Variants in ZNF676 observed in about 807,000 individuals in gnomAD.
ZNF676 encodes the protein zinc finger protein 676.
Under a neutral mutation model 6.0 loss-of-function variants are expected in ZNF676, and 4 were observed. The ratio of observed to expected loss-of-function variants is 0.67; its 90% CI spans 0.33 to 1.53. The LOEUF (loss-of-function observed/expected upper bound fraction) is 1.53, where lower values mean the gene tolerates loss of function less well. ZNF676 is among the 40% of genes most tolerant of loss of function. The probability of loss-of-function intolerance (pLI) is 0.06; values close to 1 mark genes in which losing one functional copy is unlikely to be tolerated. For synonymous variants in ZNF676, 198 were observed against 223.1 expected, an observed-to-expected ratio of 0.89 and a Z score of 1.00; for missense variants, 644 against 679.7, an observed-to-expected ratio of 0.95 and a Z score of 0.58.
chr19:22,232,396 G>A, the ZNF676 span, among the ~76,000 whole-genome samples: 1 of 152,222 alleles, frequency 6.6e-6, no homozygotes, highest in South Asian at 2.1e-4. Flanking sequence ...TTGATCTCTT[G>A]ACCTTGTGAT....
At chr19:22,207,045 C>T (rs1194969288) in intron 1 of ZNF676, among the ~76,000 whole-genome samples, 2 of 152,080 alleles carry the variant, frequency 1.3e-5, no homozygotes, top group African/African-American at 2.4e-5. Context: ...ACAAGGATGC[C>T]TTCTCTCAAC....
rs74174059 is a variant in ZNF676 at position 22,190,630 on chromosome 19, CATATATATATATATATAT to C, written c.130+2368_130+2385del. Among the ~76,000 whole-genome samples, 23 of 66,792 alleles carry C rather than the reference CATATATATATATATATAT, an allele frequency of 3.4e-4. 1 individual carries two copies. Among genetic ancestry groups the C allele is most frequent in the South Asian group, 8.8e-4 (1 of 1,130 alleles). The allele number at this position is 66,792 out of a possible 152,430, so 43.8% of individuals were successfully genotyped here. A position where few individuals can be genotyped will look rare whatever the true frequency, so the allele number is the denominator to read the frequency against. On this transcript the variant is annotated intron_variant, in intron 2 of 2. Coordinates refer to ENST00000397121, the MANE Select transcript of ZNF676 (RefSeq NM_001001411.3). ...ATTAGACTAATAAAATAGAATGCAA[CATATATATATATATATAT>C]ATATATATATATATATACATACACA...
intron 2 of ZNF676, among the ~76,000 whole-genome samples, chr19:22,192,599 G>A (rs1036122249): frequency 2.0e-5 from 3 of 152,066 alleles, no homozygotes; most frequent in Admixed American, 6.6e-5. Flanking sequence ...GCAGAAAAAT[G>A]AACCAAAAAA....
At chr19:22,244,725 T>C in the ZNF676 span, 1 of 152,204 alleles carries the variant, frequency 6.6e-6, no homozygotes, top group South Asian at 2.1e-4. Flanking sequence ...ATGTGCAGGA[T>C]GCAGGCAGAA....
intron 2 of ZNF676, among the ~76,000 whole-genome samples, chr19:22,188,145 A>G (rs1599711947): frequency 1.3e-5 from 2 of 152,292 alleles, no homozygotes; most frequent in East Asian, 3.9e-4. Flanking sequence ...CCAGCAGCAC[A>G]TCAAAAAGCT....
the ZNF676 span, among the ~76,000 whole-genome samples, chr19:22,234,472 T>A: frequency 2.6e-5 from 4 of 152,156 alleles, no homozygotes; most frequent in African/African-American, 9.7e-5. Context: ...CACTTTGTGG[T>A]TAGATGGGTC....
intron 1 of ZNF676, among the ~76,000 whole-genome samples, chr19:22,208,115 G>C (rs1006562198): frequency 1.3e-5 from 2 of 151,510 alleles, no homozygotes; most frequent in African/African-American, 2.4e-5. Flanking sequence ...ATAAACTAAT[G>C]ATCTTTTTTC....
At chr19:22,194,390 T>G (rs1481227004) in intron 1 of ZNF676, among the ~76,000 whole-genome samples, 1 of 152,206 alleles carries the variant, frequency 6.6e-6, no homozygotes, top group Non-Finnish European at 1.5e-5. Context: ...CTTGGGGAAT[T>G]ACCTTAAAGC....
chr19:22,227,807 G>A, the ZNF676 span, among the ~76,000 whole-genome samples: 2 of 152,224 alleles, frequency 1.3e-5, no homozygotes, highest in South Asian at 4.1e-4. Flanking sequence ...GACTAAACCA[G>A]GAAGAAGTCA....
chr19:22,217,659 G>A (rs985591602), upstream of ZNF676, among the ~76,000 whole-genome samples: 1 of 151,104 alleles, frequency 6.6e-6, no homozygotes, highest in Non-Finnish European at 1.5e-5. Flanking sequence ...ACCGTGCCTG[G>A]CCTATTTTTT....
the ZNF676 span, among the ~76,000 whole-genome samples, chr19:22,247,161 G>A: frequency 6.6e-6 from 1 of 152,162 alleles, no homozygotes; most frequent in African/African-American, 2.4e-5. Flanking sequence ...GATTGGGTTA[G>A]AGGCCCAATA....
upstream of ZNF676, among the ~76,000 whole-genome samples, chr19:22,201,378 A>C (rs138778030): frequency 2.8e-3 from 430 of 152,352 alleles, 2 homozygotes; most frequent in African/African-American, 0.01. Context: ...ATATCTCACA[A>C]TGCAGAAAAT....
intron 2 of ZNF676, among the ~76,000 whole-genome samples, 176 bp from the exon 3 acceptor site, chr19:22,181,762 CAT>C (rs1389787795): frequency 4.6e-5 from 7 of 152,234 alleles, no homozygotes; most frequent in African/African-American, 1.2e-4. Flanking sequence ...GACCAAAATA[CAT>C]ATGTGAATAA....
chr19:22,235,257 T>C, the ZNF676 span, among the ~76,000 whole-genome samples: 1 of 152,136 alleles, frequency 6.6e-6, no homozygotes, highest in Non-Finnish European at 1.5e-5. Flanking sequence ...CACCTCAAGA[T>C]CCATTGGATC....
the ZNF676 span, among the ~76,000 whole-genome samples, chr19:22,230,403 T>A: frequency 3.3e-5 from 5 of 151,964 alleles, no homozygotes; most frequent in African/African-American, 1.2e-4. Context: ...ATGTAGATGA[T>A]GGGTTGATGG....
the ZNF676 span, among the ~76,000 whole-genome samples, chr19:22,233,749 T>C: frequency 6.6e-6 from 1 of 150,780 alleles, no homozygotes; most frequent in African/African-American, 2.4e-5. Flanking sequence ...CCTCTGTCTC[T>C]GCCACCATGA....
At chr19:22,217,655 C>T (rs143912088), upstream of ZNF676, among the ~76,000 whole-genome samples, 3 of 150,358 alleles carry the variant, frequency 2.0e-5, no homozygotes, top group East Asian at 5.9e-4. Context: ...AGCCACCGTG[C>T]CTGGCCTATT....
At chr19:22,218,164 G>A (rs1370946332), upstream of ZNF676, among the ~76,000 whole-genome samples, 12 of 151,970 alleles carry the variant, frequency 7.9e-5, no homozygotes, top group Non-Finnish European at 1.5e-5. Flanking sequence ...ATCTGTCTTT[G>A]TTTTTGTTGC....
Position 22,205,423 on chromosome 19 carries a change from G to T in ZNF676, c.4-8697C>A, listed in dbSNP as rs558120965. 2.0e-5 allele frequency among the ~76,000 whole-genome samples: 3 copies of T among 152,056 alleles called. No individual in the cohort carries two copies. In the East Asian group the frequency reaches 5.8e-4, roughly 29 times the overall value. ...ACAATCAGAAAAAAAACAATTCTCA[G>T]CAAATTCAAAAATCCCAAAACGATA... On this transcript the variant is annotated intron_variant, in intron 1 of 3. Coordinates refer to the ZNF676 transcript ENST00000650058.
Sources: gnomAD v4.1 joint callset for allele counts (sites outside exome capture counted in the v4.1 genomes callset) on GRCh38, gnomAD v4.1.1 for gene constraint, MANE v1.5 for transcripts, NCBI Gene and HGNC (gene_info 2026-07-23, HGNC 2026-07-21) for gene names.